The following ATP2B2 variants were observed in gnomAD, a reference collection of about 807,000 sequenced individuals.
ATP2B2 encodes the protein ATPase plasma membrane Ca2+ transporting 2.
Under a neutral mutation model 120.0 loss-of-function variants are expected in ATP2B2, and 15 were observed. The observed-to-expected ratio is 0.12, with a 90% CI of 0.08 to 0.19. The LOEUF (loss-of-function observed/expected upper bound fraction) is 0.19. ATP2B2 is among the 10% of genes least tolerant of loss of function. The probability of loss-of-function intolerance (pLI) is 1.00; values close to 1 mark genes in which losing one functional copy is unlikely to be tolerated. For missense variants in ATP2B2, 1,045 were observed against 1,719.8 expected, an observed-to-expected ratio of 0.61 and a Z score of 6.94; for synonymous variants, 694 against 700.3, an observed-to-expected ratio of 0.99 and a Z score of 0.14.
chr3:10,691,366 T>C (rs2071659854), intron 1 of ATP2B2, among the ~76,000 whole-genome samples: 1 of 152,204 alleles, frequency 6.6e-6, no homozygotes, highest in Non-Finnish European at 1.5e-5. Context: ...GCCTCTTCCC[T>C]CTCTGGTTTC....
At position 10,342,027 on chromosome 3, in the gene ATP2B2, C is replaced by A. The variant is rs1487632695; in HGVS notation, c.2917+725G>T. ...CCCTGATTCCATGTGGGACTGCGGGCCAGACCCTTCCCCTCTCTGGGCCTC... is the reference window on the plus strand; with the variant it reads ...CCCTGATTCCATGTGGGACTGCGGGACAGACCCTTCCCCTCTCTGGGCCTC... On this transcript the variant is annotated intron_variant, in intron 19 of 22. Transcript: ENST00000360273. This position sits in a 1 kb window ranked among gnomAD's most constrained non-coding sequence, Gnocchi z 4.4. Among the ~76,000 whole-genome samples, 3 of 152,240 alleles carry A rather than the reference C, an allele frequency of 2.0e-5. No individual in the cohort carries two copies. Among genetic ancestry groups the A allele is most frequent in the Non-Finnish European group, 2.9e-5 (2 of 68,044 alleles).
chr3:10,349,742 A>G (rs703912), intron 16 of ATP2B2, among the ~76,000 whole-genome samples: 31,155 of 151,930 alleles, frequency 0.21, 3,438 homozygotes, highest in East Asian at 0.43. Flanking sequence ...ACTATGTCAA[A>G]GGTGAGAGAG....
At chr3:10,495,722 C>T (rs374307118) in intron 1 of ATP2B2, among the ~76,000 whole-genome samples, 5 of 152,240 alleles carry the variant, frequency 3.3e-5, no homozygotes, top group Non-Finnish European at 7.3e-5. Context: ...AATTTTATTG[C>T]TACTCCCTGA....
intron 2 of ATP2B2, among the ~76,000 whole-genome samples, chr3:10,558,453 G>A (rs2067827844): frequency 6.6e-6 from 1 of 152,202 alleles, no homozygotes; most frequent in South Asian, 2.1e-4. Flanking sequence ...CTGAGAAGGT[G>A]GGAGGAGGGG....
chr3:10,611,423 C>G (rs533327429), intron 2 of ATP2B2, among the ~76,000 whole-genome samples: 2 of 152,106 alleles, frequency 1.3e-5, no homozygotes, highest in Non-Finnish European at 2.9e-5. Flanking sequence ...ACATCGGTGT[C>G]GTCCAGCCTC....
At chr3:10,559,640 G>C (rs376247453) in intron 2 of ATP2B2, among the ~76,000 whole-genome samples, 19 of 152,164 alleles carry the variant, frequency 1.2e-4, no homozygotes, top group African/African-American at 4.1e-4. Flanking sequence ...CAGGGTGCTG[G>C]AGTTTGCCTC....
intron 2 of ATP2B2, among the ~76,000 whole-genome samples, chr3:10,420,609 G>T (rs993779054): frequency 6.6e-6 from 1 of 152,196 alleles, no homozygotes; most frequent in Admixed American, 6.5e-5. Context: ...TGATCCACCC[G>T]CCTTGGCCTC....
intron 2 of ATP2B2, among the ~76,000 whole-genome samples, chr3:10,443,286 G>C (rs1303750651): frequency 6.6e-6 from 1 of 151,972 alleles, no homozygotes; most frequent in Non-Finnish European, 1.5e-5. Context: ...TTCTGCAGCA[G>C]GTCCACAGCC....
intron 1 of ATP2B2, among the ~76,000 whole-genome samples, chr3:10,458,453 C>T (rs946081229): frequency 3.5e-5 from 5 of 141,476 alleles, no homozygotes; most frequent in Non-Finnish European, 7.7e-5. Flanking sequence ...GGAATCAGAT[C>T]CACTCAGTTT....
intron 19 of ATP2B2, among the ~76,000 whole-genome samples, chr3:10,341,665 G>C (rs2060281952): frequency 6.6e-6 from 1 of 152,134 alleles, no homozygotes. Flanking sequence ...GGCTTGTGGA[G>C]TTTTCTGGGT....
In ATP2B2 at chr3:10,340,400, C is replaced by CCAGCA. The variant is rs1282135828; in HGVS notation, c.3130-56_3130-52dup. On this transcript the variant is annotated intron_variant, in intron 20 of 22. Coordinates refer to ENST00000360273, the MANE Select transcript of ATP2B2 (RefSeq NM_001001331.4). The surrounding 1 kb of genome is among the most constrained non-coding windows in gnomAD (Gnocchi z 5.0). ...AGAGAGAGAGAGAGGCCATCAGGGA[C>CCAGCA]CAGCACAGAGGGCTGGGCTCTCAGG... The CCAGCA allele has an allele frequency of 6.2e-7, 1 of 1,611,850 alleles. No individual in the cohort carries two copies.
At chr3:10,634,002 T>C (rs1050881355) in intron 1 of ATP2B2, among the ~76,000 whole-genome samples, 1 of 151,828 alleles carries the variant, frequency 6.6e-6, no homozygotes, top group African/African-American at 2.4e-5. Flanking sequence ...CCCAACCCGA[T>C]CAAGAGAGAG....
chr3:10,458,912 G>C (rs1286969651), intron 1 of ATP2B2, among the ~76,000 whole-genome samples: 3 of 152,184 alleles, frequency 2.0e-5, no homozygotes, highest in Non-Finnish European at 4.4e-5. Context: ...GGCCCTTCCT[G>C]CCTCAGTTTC....
chr3:10,706,611 C>G (rs1029076109), intron 1 of ATP2B2, among the ~76,000 whole-genome samples: 6 of 152,244 alleles, frequency 3.9e-5, no homozygotes, highest in African/African-American at 1.4e-4. Context: ...ATGATTAACC[C>G]TCTCTGGCTT....
intron 2 of ATP2B2, among the ~76,000 whole-genome samples, chr3:10,444,623 C>T (rs1035377707): frequency 6.6e-6 from 1 of 152,230 alleles, no homozygotes; most frequent in Non-Finnish European, 1.5e-5. Flanking sequence ...CCTTATCAAC[C>T]CCGCCAGGAA....
intron 2 of ATP2B2, among the ~76,000 whole-genome samples, chr3:10,421,168 G>A (rs1351320117): frequency 6.6e-6 from 1 of 152,214 alleles, no homozygotes; most frequent in East Asian, 1.9e-4. Flanking sequence ...GGAGGGTGAG[G>A]AGGAAGCCTA....
rs1476193276 is a variant in ATP2B2 at position 10,520,772 on chromosome 3, T to C, written c.-320+13267A>G. Among the ~76,000 whole-genome samples, 5 of 148,928 alleles carry C rather than the reference T, an allele frequency of 3.4e-5. No homozygotes were observed. In the East Asian group the frequency reaches 1.0e-3, roughly 30 times the overall value. On this transcript the variant is annotated intron_variant, in intron 3 of 21. Transcript: ENST00000646379. Reference sequence around the variant, plus strand: ...CACCTGGCCTCTTTTTTTTTTTTTCTTTTTTTTCTTTGCCTACCCAAATAA... The same window carrying C: ...CACCTGGCCTCTTTTTTTTTTTTTCCTTTTTTTCTTTGCCTACCCAAATAA...
chr3:10,683,760 G>GTGTGTGTGTATATATATATA (rs1446781892), intron 1 of ATP2B2, among the ~76,000 whole-genome samples: 1 of 53,914 alleles, frequency 1.9e-5, no homozygotes, highest in Non-Finnish European at 3.8e-5. Flanking sequence ...GTGTGTGTGT[G>GTGTGTGTGTATATATATATA]TATATATATA....
At chr3:10,610,495 A>C (rs554572003) in intron 2 of ATP2B2, among the ~76,000 whole-genome samples, 2 of 152,172 alleles carry the variant, frequency 1.3e-5, no homozygotes, top group Non-Finnish European at 2.9e-5. Context: ...ACTCACCCCA[A>C]GAATCTGCAA....
Sources: allele counts gnomAD v4.1 joint callset (sites outside exome capture counted in the v4.1 genomes callset), GRCh38; gene constraint gnomAD v4.1.1; non-coding constraint Gnocchi (gnomAD v3.1); transcripts MANE v1.5; gene names NCBI Gene and HGNC (gene_info 2026-07-23, HGNC 2026-07-21).